ZBTB20: variants seen among roughly 807,000 people sequenced by gnomAD.
ZBTB20 encodes zinc finger and BTB domain containing 20.
A neutral mutation model predicts 56.9 loss-of-function variants in ZBTB20; 9 were observed. The ratio of observed to expected loss-of-function variants is 0.16; its 90% CI spans 0.10 to 0.28. The LOEUF is 0.28. Ranked by LOEUF, ZBTB20 falls within the 10% of genes least tolerant of loss-of-function variation. The pLI, the probability that ZBTB20 is intolerant of heterozygous loss-of-function variation, is 1.00. For synonymous variants in ZBTB20, 417 were observed against 420.7 expected (o/e 0.99, Z 0.11); for missense variants, 655 against 1,003.0 (o/e 0.65, Z 4.69).
intron 5 of ZBTB20, among the ~76,000 whole-genome samples, chr3:114,723,011 C>T (rs940084789): frequency 1.3e-5 from 2 of 152,112 alleles, no homozygotes; most frequent in African/African-American, 2.4e-5. Context: ...TTTATCATTC[C>T]TATTAATGCT....
chr3:114,864,916 G>A (rs543570306), intron 4 of ZBTB20, among the ~76,000 whole-genome samples: 3 of 144,654 alleles, frequency 2.1e-5, no homozygotes, highest in South Asian at 2.3e-4. Flanking sequence ...TCCCCTTTAC[G>A]GCTGCCCTTA....
intron 3 of ZBTB20, among the ~76,000 whole-genome samples, chr3:114,903,316 T>G (rs1560381395): frequency 1.3e-5 from 2 of 152,090 alleles, no homozygotes; most frequent in East Asian, 3.9e-4. Context: ...ATAAAGGAAC[T>G]AGCACAGTGC....
chr3:114,413,577 A>T (rs999462986), intron 7 of ZBTB20, among the ~76,000 whole-genome samples: 1 of 152,168 alleles, frequency 6.6e-6, no homozygotes, highest in East Asian at 1.9e-4. Context: ...TGAAAGGACC[A>T]TAAGCCTGAA....
chr3:114,632,710 A>G (rs1179680589), intron 6 of ZBTB20, among the ~76,000 whole-genome samples: 1 of 152,262 alleles, frequency 6.6e-6, no homozygotes, highest in African/African-American at 2.4e-5. Flanking sequence ...AATGTATTTA[A>G]TAATATCTTC....
At chr3:114,444,035 T>C (rs977430832) in intron 7 of ZBTB20, among the ~76,000 whole-genome samples, 1 of 152,128 alleles carries the variant, frequency 6.6e-6, no homozygotes, top group Admixed American at 6.6e-5. Context: ...TTGGGAATAC[T>C]AGGAGAAAAG....
At chr3:115,038,724 G>A (rs191060805) in intron 2 of ZBTB20, among the ~76,000 whole-genome samples, 5 of 151,916 alleles carry the variant, frequency 3.3e-5, no homozygotes, top group African/African-American at 9.6e-5. Flanking sequence ...AACTATTAAC[G>A]TCATTATATT....
chr3:114,721,821 T>C (rs1385321117), intron 5 of ZBTB20, among the ~76,000 whole-genome samples: 1 of 152,204 alleles, frequency 6.6e-6, no homozygotes, highest in Non-Finnish European at 1.5e-5. Flanking sequence ...GGATTCTCAA[T>C]TCTGAGATTT....
intron 4 of ZBTB20, among the ~76,000 whole-genome samples, chr3:114,804,016 C>T (rs2071912758): frequency 6.6e-6 from 1 of 151,864 alleles, no homozygotes; most frequent in African/African-American, 2.4e-5. Flanking sequence ...CAGTCAACAT[C>T]CAATGATGCA....
rs2079109543 is a variant in ZBTB20, at chr3:114,327,796, T to C, written c.*11209A>G. 6.6e-6 allele frequency: 1 copy of C among 152,220 alleles called. No homozygotes were observed. Among genetic ancestry groups the C allele is most frequent in the Admixed American group, 6.5e-5 (1 of 15,282 alleles). 9.4% of individuals were successfully genotyped at this position (152,220 alleles called of 1,614,324 possible). ...CTATGCACTCAAAACCACATAGTAC[T>C]CTAAATGTCACAGGACTTGTCTTCA... On this transcript the variant is annotated 3_prime_UTR_variant, in exon 12 of 12. Coordinates refer to ENST00000675478, the MANE Select transcript of ZBTB20 (RefSeq NM_001348800.3).
chr3:114,925,550 C>T (rs1035283438), intron 3 of ZBTB20, among the ~76,000 whole-genome samples: 8 of 151,442 alleles, frequency 5.3e-5, no homozygotes, highest in Non-Finnish European at 8.8e-5. Context: ...TGTCTTGAGA[C>T]GGAGTCTTGC....
At chr3:114,522,006 C>A (rs1260295658) in intron 6 of ZBTB20, among the ~76,000 whole-genome samples, 1 of 151,548 alleles carries the variant, frequency 6.6e-6, no homozygotes, top group Non-Finnish European at 1.5e-5. Flanking sequence ...CTGAGGATTT[C>A]TTAGAGCATA....
chr3:114,612,251 C>T (rs896507987), intron 6 of ZBTB20, among the ~76,000 whole-genome samples: 5 of 152,160 alleles, frequency 3.3e-5, no homozygotes, highest in African/African-American at 1.2e-4. Context: ...AATGCAGATT[C>T]TTGTAGTACT....
intron 4 of ZBTB20, among the ~76,000 whole-genome samples, chr3:114,876,907 G>A (rs2107566829): frequency 6.6e-6 from 1 of 152,150 alleles, no homozygotes; most frequent in South Asian, 2.1e-4. Flanking sequence ...ATAGTACAGT[G>A]TACTATTTAT....
intron 4 of ZBTB20, among the ~76,000 whole-genome samples, chr3:114,855,485 G>C (rs1276309921): frequency 2.0e-5 from 3 of 152,158 alleles, no homozygotes; most frequent in African/African-American, 7.2e-5. Context: ...TCTGGAAAAG[G>C]TATTATGGAG....
At chr3:114,866,164 T>C (rs547559759) in intron 4 of ZBTB20, among the ~76,000 whole-genome samples, 3 of 152,336 alleles carry the variant, frequency 2.0e-5, no homozygotes, top group South Asian at 4.1e-4. Context: ...TGTTCTTCAC[T>C]GAGTACTAAG....
intron 4 of ZBTB20, among the ~76,000 whole-genome samples, chr3:114,877,714 T>C (rs973689011): frequency 6.6e-5 from 10 of 152,232 alleles, no homozygotes; most frequent in African/African-American, 2.4e-4. Flanking sequence ...ATTTTTTCTA[T>C]AACTGTCCAC....
At chr3:114,413,045 A>G (rs983213274) in intron 7 of ZBTB20, among the ~76,000 whole-genome samples, 3 of 152,176 alleles carry the variant, frequency 2.0e-5, no homozygotes, top group African/African-American at 4.8e-5. Flanking sequence ...AATTACGATC[A>G]GCTCTAGTAA....
intron 7 of ZBTB20, among the ~76,000 whole-genome samples, chr3:114,403,681 T>C (rs1261410666): frequency 2.6e-5 from 4 of 152,154 alleles, no homozygotes; most frequent in East Asian, 3.9e-4. Context: ...GAATCAGCTA[T>C]AGAATCTGGC....
intron 6 of ZBTB20, among the ~76,000 whole-genome samples, chr3:114,534,145 T>C (rs185057532): frequency 6.6e-6 from 1 of 152,114 alleles, no homozygotes; most frequent in Non-Finnish European, 1.5e-5. Flanking sequence ...ACAGTGTTAA[T>C]CTTAAATGTA....
Sources: allele counts gnomAD v4.1 joint callset (sites outside exome capture counted in the v4.1 genomes callset), GRCh38; gene constraint gnomAD v4.1.1; transcripts MANE v1.5; gene names NCBI Gene and HGNC (gene_info 2026-07-23, HGNC 2026-07-21).